IRAG1: variants seen among roughly 807,000 people sequenced by gnomAD.
IRAG1 encodes the protein IP3R-associated cGMP kinase substrate.
A neutral mutation model predicts 106.2 loss-of-function variants in IRAG1; 62 were observed. That is an observed-to-expected ratio of 0.58 (90% CI 0.48 to 0.72). IRAG1 has a LOEUF of 0.72. Among genes scored for constraint, IRAG1 ranks in the 30% least tolerant of loss-of-function variants. The pLI, the probability that IRAG1 is intolerant of heterozygous loss-of-function variation, is 0.00. For missense variants in IRAG1, 1,064 were observed against 1,140.7 expected, an observed-to-expected ratio of 0.93 and a Z score of 0.97; for synonymous variants, 462 against 443.9, an observed-to-expected ratio of 1.04 and a Z score of -0.51.
At chr11:10,644,552 T>C (rs1857791165) in intron 2 of IRAG1, among the ~76,000 whole-genome samples, 1 of 152,174 alleles carries the variant, frequency 6.6e-6, no homozygotes, top group South Asian at 2.1e-4. Flanking sequence ...TGTTTTCTCA[T>C]CTATAAAGTG....
intron 4 of IRAG1, among the ~76,000 whole-genome samples, chr11:10,630,356 G>C (rs1209172779): frequency 6.8e-6 from 1 of 146,622 alleles, no homozygotes; most frequent in Non-Finnish European, 1.5e-5. Context: ...CTCCATTCTT[G>C]CTCATTAGCT....
Position 10,625,399 on chromosome 11 carries a change from G to A in IRAG1, c.1368+567C>T, listed in dbSNP as rs1366612031. Among the ~76,000 whole-genome samples the A allele has an allele frequency of 2.6e-5, 4 of 152,170 alleles. No individual in the cohort carries two copies. In the East Asian group the frequency reaches 5.8e-4, roughly 22 times the overall value. On this transcript the variant is annotated intron_variant, in intron 9 of 20. Transcript: ENST00000423302. Reference sequence around the variant, plus strand: ...TAGGGTGGCAACCCCACAGGAGACCGCTGTGCCTGGTTTGATGGCCAACAG... The same window carrying A: ...TAGGGTGGCAACCCCACAGGAGACCACTGTGCCTGGTTTGATGGCCAACAG...
At chr11:10,593,411 A>ACCCT in intron 17 of IRAG1, 81 bp downstream of exon 17, 8 of 1,210,484 alleles carry the variant, frequency 6.6e-6, no homozygotes, top group Non-Finnish European at 7.0e-6. Flanking sequence ...CCATTTGGTC[A>ACCCT]CCCTCCCTGC....
At chr11:10,599,569 T>C (rs955057620) in intron 15 of IRAG1, 21 of 152,350 alleles carry the variant, frequency 1.4e-4, no homozygotes, top group African/African-American at 5.0e-4. Context: ...CTCTGGGACA[T>C]GTCACTGATA....
chr11:10,577,551 G>A (rs1850952950), intron 20 of IRAG1, among the ~76,000 whole-genome samples: 1 of 152,170 alleles, frequency 6.6e-6, no homozygotes, highest in South Asian at 2.1e-4. Flanking sequence ...TATGAAAAAT[G>A]AGAATACTGA....
At chr11:10,680,804 A>G (rs986906204) in intron 1 of IRAG1, among the ~76,000 whole-genome samples, 1 of 152,150 alleles carries the variant, frequency 6.6e-6, no homozygotes, top group Non-Finnish European at 1.5e-5. Flanking sequence ...TCTTAGAACA[A>G]TGCCTTTTGT....
rs895639640 is a variant in IRAG1 at position 10,665,406 on chromosome 11, G to A, written c.68-13224C>T. On this transcript the variant is annotated intron_variant, in intron 1 of 20. Transcript: ENST00000423302. The surrounding 1 kb of genome is among the most constrained non-coding windows in gnomAD (Gnocchi z 4.2). Reference sequence around the variant, plus strand: ...TAAACTGTTAGGGCTCCAGAGGAGTGACTCGGTTTGACCAACCTCCATGTT... The same window carrying A: ...TAAACTGTTAGGGCTCCAGAGGAGTAACTCGGTTTGACCAACCTCCATGTT... Among the ~76,000 whole-genome samples the A allele has an allele frequency of 3.3e-5, 5 of 152,214 alleles. No homozygotes were observed. Among genetic ancestry groups the A allele is most frequent in the Admixed American group, 3.3e-4 (5 of 15,282 alleles).
At chr11:10,638,188 TTTAAA>T (rs1857274744) in intron 2 of IRAG1, among the ~76,000 whole-genome samples, 1 of 152,212 alleles carries the variant, frequency 6.6e-6, no homozygotes, top group African/African-American at 2.4e-5. Context: ...TTTACAAGTT[TTTAAA>T]TTAGTTATCA....
At chr11:10,676,698 C>T (rs1860705435) in intron 1 of IRAG1, among the ~76,000 whole-genome samples, 1 of 152,174 alleles carries the variant, frequency 6.6e-6, no homozygotes, top group African/African-American at 2.4e-5. Context: ...AGCTGAGAGA[C>T]AAGGGGATGA....
At chr11:10,692,338 C>G (rs905182147) in intron 1 of IRAG1, among the ~76,000 whole-genome samples, 7 of 152,188 alleles carry the variant, frequency 4.6e-5, no homozygotes, top group African/African-American at 1.7e-4. Context: ...TGTTGAGAGG[C>G]ATGGGCACTG....
intron 18 of IRAG1, among the ~76,000 whole-genome samples, chr11:10,583,546 G>C (rs1052595969): frequency 6.6e-6 from 1 of 152,166 alleles, no homozygotes; most frequent in Non-Finnish European, 1.5e-5. Flanking sequence ...CAGGTTTAAA[G>C]TAAAGAAGGG....
intron 1 of IRAG1, among the ~76,000 whole-genome samples, chr11:10,673,058 G>A (rs543965119): frequency 3.9e-5 from 6 of 152,250 alleles, no homozygotes; most frequent in South Asian, 2.1e-4. Flanking sequence ...TGAGACGGGC[G>A]AATCACTTGA....
At chr11:10,680,538 AGG>A (rs869095039) in intron 1 of IRAG1, among the ~76,000 whole-genome samples, 1,516 of 122,430 alleles carry the variant, frequency 0.012, 21 homozygotes, top group African/African-American at 0.032. Flanking sequence ...GAAGGAAGGA[AGG>A]GGAAGGGGAA....
At chr11:10,629,788 C>T (rs1856548702) in intron 4 of IRAG1, 77 bp from the exon 5 acceptor site, 3 of 1,469,288 alleles carry the variant, frequency 2.0e-6, no homozygotes, top group Non-Finnish European at 2.8e-6. Context: ...TACCATGCCT[C>T]ATCCCAGGGA....
chr11:10,627,571 A>T, intron 8 of IRAG1, 145 bp downstream of exon 8: 1 of 774,892 alleles, frequency 1.3e-6, no homozygotes, highest in Non-Finnish European at 2.1e-6. Flanking sequence ...AAGGCAGGGG[A>T]ATCTGCTGTT....
At chr11:10,641,554 A>G (rs2134765355) in intron 2 of IRAG1, among the ~76,000 whole-genome samples, 1 of 152,334 alleles carries the variant, frequency 6.6e-6, no homozygotes, top group South Asian at 2.1e-4. Context: ...GGAAGCACAG[A>G]AACAAACATG....
At chr11:10,688,834 T>C (rs1861851640) in intron 1 of IRAG1, among the ~76,000 whole-genome samples, 1 of 152,208 alleles carries the variant, frequency 6.6e-6, no homozygotes. Flanking sequence ...TGAGTAGCAA[T>C]GGGCCAGAAA....
intron 10 of IRAG1, among the ~76,000 whole-genome samples, chr11:10,622,607 C>T (rs190074968): frequency 6.6e-6 from 1 of 152,236 alleles, no homozygotes; most frequent in African/African-American, 2.4e-5. Context: ...CAGGCTCAAG[C>T]GATCCTCCCA....
intron 15 of IRAG1, among the ~76,000 whole-genome samples, chr11:10,597,286 AT>A (rs1297881420): frequency 6.6e-6 from 1 of 151,986 alleles, no homozygotes; most frequent in Non-Finnish European, 1.5e-5. Context: ...TGATAACTGT[AT>A]TCTTTTACTC....
Sources: allele counts gnomAD v4.1 joint callset (sites outside exome capture counted in the v4.1 genomes callset), GRCh38; gene constraint gnomAD v4.1.1; non-coding constraint Gnocchi (gnomAD v3.1); transcripts MANE v1.5; gene names NCBI Gene and HGNC (gene_info 2026-07-23, HGNC 2026-07-21).